Variants in MAD1L1 observed in about 807,000 individuals in gnomAD.
MAD1L1 encodes mitotic arrest deficient 1 like 1.
In MAD1L1, 95 loss-of-function variants were observed where a neutral mutation model predicts 96.9. That is an observed-to-expected ratio of 0.98 (90% CI 0.83 to 1.16). The LOEUF (loss-of-function observed/expected upper bound fraction) is 1.16, where lower values mean the gene tolerates loss of function less well. MAD1L1 is among the 50% of genes most tolerant of loss of function. MAD1L1 has a pLI of 0.00. For synonymous variants in MAD1L1, 473 were observed against 396.6 expected (o/e 1.19, Z -2.29); for missense variants, 1,007 against 954.4 (o/e 1.06, Z -0.73).
chr7:1,935,416 C>T (rs1164554489), intron 17 of MAD1L1, among the ~76,000 whole-genome samples: 1 of 152,326 alleles, frequency 6.6e-6, no homozygotes, highest in East Asian at 1.9e-4. Context: ...GGCTTTTGTC[C>T]TCCAACCCCA....
At chr7:1,941,385 T>C (rs1778990723) in intron 16 of MAD1L1, among the ~76,000 whole-genome samples, 1 of 152,088 alleles carries the variant, frequency 6.6e-6, no homozygotes, top group Non-Finnish European at 1.5e-5. Flanking sequence ...GAAACAATTC[T>C]GTATATTAGA....
At chr7:1,939,017 A>ACG (rs1184131812) in intron 16 of MAD1L1, among the ~76,000 whole-genome samples, 3 of 124,768 alleles carry the variant, frequency 2.4e-5, no homozygotes, top group African/African-American at 9.2e-5. Context: ...ACACACACAC[A>ACG]CACACATGGG....
At chr7:2,176,350 G>GA (rs1453420302) in intron 10 of MAD1L1, among the ~76,000 whole-genome samples, 4 of 151,820 alleles carry the variant, frequency 2.6e-5, no homozygotes, top group African/African-American at 9.7e-5. Flanking sequence ...CCGTCTCCAG[G>GA]AAAAAAATAA....
intron 18 of MAD1L1, among the ~76,000 whole-genome samples, chr7:1,822,897 G>A (rs58582974): frequency 0.34 from 51,142 of 151,724 alleles, 9,433 homozygotes; most frequent in Non-Finnish European, 0.42. Flanking sequence ...CTGGGGCAGC[G>A]CTGGAGGGGA....
chr7:1,888,517 T>C (rs1223550175), intron 18 of MAD1L1, among the ~76,000 whole-genome samples: 2 of 145,392 alleles, frequency 1.4e-5, no homozygotes, highest in African/African-American at 5.2e-5. Flanking sequence ...TTCGTGTGTG[T>C]GCATGCGTGT....
chr7:1,819,568 G>A (rs1211130553), intron 18 of MAD1L1, among the ~76,000 whole-genome samples: 1 of 152,188 alleles, frequency 6.6e-6, no homozygotes, highest in African/African-American at 2.4e-5. Flanking sequence ...TTGTGTGCCC[G>A]GCCCCCATTC....
At chr7:1,881,934 G>T (rs1382564814) in intron 18 of MAD1L1, among the ~76,000 whole-genome samples, 1 of 152,244 alleles carries the variant, frequency 6.6e-6, no homozygotes. Flanking sequence ...TGTGTGGCTG[G>T]TGCCACGGTA....
At chr7:1,853,894 G>A (rs968128613) in intron 18 of MAD1L1, among the ~76,000 whole-genome samples, 1 of 152,164 alleles carries the variant, frequency 6.6e-6, no homozygotes, top group Non-Finnish European at 1.5e-5. Context: ...TCTCGGCCCT[G>A]TTATCAGAAA....
At chr7:2,157,012 G>C (rs565554455) in intron 10 of MAD1L1, among the ~76,000 whole-genome samples, 4 of 152,176 alleles carry the variant, frequency 2.6e-5, no homozygotes, top group Non-Finnish European at 5.9e-5. Context: ...CAATCTGAAG[G>C]ACAAATATTA....
Position 2,103,451 on chromosome 7 carries a change from G to C in MAD1L1, c.1074-34113C>G, listed in dbSNP as rs954481238. On this transcript the variant is annotated intron_variant, in intron 11 of 18. Coordinates refer to ENST00000265854, the MANE Select transcript of MAD1L1 (RefSeq NM_001013836.2). The surrounding 1 kb of genome is among the most constrained non-coding windows in gnomAD (Gnocchi z 4.3). The stretch of plus-strand genomic sequence containing the variant: ...GAGCACCTGAGAGGACAGAGGGTGA[G>C]GCGATACAGCAGTGCAGCAGATCTC... Among the ~76,000 whole-genome samples the C allele has an allele frequency of 6.6e-6, 1 of 152,164 alleles. No homozygotes were observed.
chr7:1,980,372 C>G, intron 15 of MAD1L1, 81 bp downstream of exon 15: 3 of 1,241,156 alleles, frequency 2.4e-6, no homozygotes, highest in Non-Finnish European at 3.4e-6. Context: ...GCCTCCTCCC[C>G]CGCAGGACAC....
At chr7:1,885,142 G>A (rs746768525) in intron 18 of MAD1L1, among the ~76,000 whole-genome samples, 6 of 152,148 alleles carry the variant, frequency 3.9e-5, no homozygotes, top group Non-Finnish European at 8.8e-5. Context: ...CAGGACAGGG[G>A]AAGAGAAAGG....
chr7:1,884,852 G>A (rs1785912507), intron 18 of MAD1L1, among the ~76,000 whole-genome samples: 1 of 152,250 alleles, frequency 6.6e-6, no homozygotes, highest in Non-Finnish European at 1.5e-5. Flanking sequence ...CGCAGGCGGG[G>A]CAGGCCGTGG....
At chr7:2,053,332 A>G (rs1273496050) in intron 12 of MAD1L1, among the ~76,000 whole-genome samples, 1 of 152,178 alleles carries the variant, frequency 6.6e-6, no homozygotes. Context: ...GGTGAGGCAG[A>G]GGCAGGAGAG....
chr7:1,868,526 A>C (rs1427862893), intron 18 of MAD1L1, among the ~76,000 whole-genome samples: 2 of 138,196 alleles, frequency 1.4e-5, no homozygotes, highest in Non-Finnish European at 3.1e-5. Context: ...CAGGCTCAGC[A>C]GGGGGTGGGG....
At chr7:1,851,967 C>T (rs1381600161) in intron 18 of MAD1L1, among the ~76,000 whole-genome samples, 2 of 152,152 alleles carry the variant, frequency 1.3e-5, no homozygotes, top group African/African-American at 4.8e-5. Flanking sequence ...CAGGGCCCGG[C>T]ACGGGTGGGC....
intron 18 of MAD1L1, chr7:1,847,173 G>A: frequency 2.3e-6 from 1 of 442,434 alleles, no homozygotes; most frequent in Admixed American, 2.5e-5. Flanking sequence ...GGAACAAGGA[G>A]TTCCTCCCTG....
intron 16 of MAD1L1, among the ~76,000 whole-genome samples, chr7:1,937,347 G>A (rs1028853900): frequency 6.6e-6 from 1 of 152,188 alleles, no homozygotes; most frequent in Non-Finnish European, 1.5e-5. Context: ...AGAGAAACAA[G>A]GTCAACCACA....
intron 9 of MAD1L1, among the ~76,000 whole-genome samples, chr7:2,214,387 G>A (rs113103862): frequency 1.1e-4 from 17 of 152,350 alleles, no homozygotes; most frequent in African/African-American, 4.1e-4. Context: ...TACCCCCGCT[G>A]ACAGGGAGCC....
Sources: gnomAD v4.1 joint callset for allele counts (sites outside exome capture counted in the v4.1 genomes callset) on GRCh38, gnomAD v4.1.1 for gene constraint, Gnocchi (gnomAD v3.1) non-coding constraint, MANE v1.5 for transcripts, NCBI Gene and HGNC (gene_info 2026-07-23, HGNC 2026-07-21) for gene names.